The following RBFOX1 variants were observed in gnomAD, a reference collection of about 807,000 sequenced individuals.
RBFOX1 encodes RNA binding fox-1 homolog 1, also known as RNA binding protein fox-1 homolog 1.
Under a neutral mutation model 57.7 loss-of-function variants are expected in RBFOX1, and 8 were observed. That is an observed-to-expected ratio of 0.14 (90% confidence interval 0.08 to 0.25). The LOEUF is 0.25. Among genes scored for constraint, RBFOX1 ranks in the 10% least tolerant of loss-of-function variants. The pLI is 1.00. For synonymous variants in RBFOX1, 326 were observed against 222.4 expected (o/e 1.47, Z -4.15); for missense variants, 611 against 548.5 (o/e 1.11, Z -1.14).
At chr16:5,664,410 C>T (rs370653579) in intron 3 of RBFOX1, among the ~76,000 whole-genome samples, 5 of 152,102 alleles carry the variant, frequency 3.3e-5, no homozygotes, top group Non-Finnish European at 5.9e-5. Flanking sequence ...TAGCTGGGCA[C>T]GGTGGTGTGT....
chr16:7,025,647 G>T lies in RBFOX1; in HGVS notation c.-15-26410G>T, dbSNP rs919979572. On this transcript the variant is annotated intron_variant, in intron 3 of 15. Transcript: ENST00000550418. ...TGTCCTGGGGGGGTTTTGGATAGAGGGGGGCACCTCTTCATCAGGGGTGCT... is the reference window on the plus strand; with the variant it reads ...TGTCCTGGGGGGGTTTTGGATAGAGTGGGGCACCTCTTCATCAGGGGTGCT... Among the ~76,000 whole-genome samples the T allele has an allele frequency of 2.8e-4, 42 of 152,186 alleles. 1 individual carries two copies. The highest frequency in any genetic ancestry group is 1.0e-3 in the African/African-American group (42 of 41,546).
intron 1 of RBFOX1, among the ~76,000 whole-genome samples, chr16:5,287,703 G>C (rs1206357827): frequency 2.0e-5 from 3 of 152,186 alleles, no homozygotes; most frequent in Admixed American, 2.0e-4. Flanking sequence ...CTCTCATGGT[G>C]ATAGCAGGAG....
At chr16:5,307,609 G>A (rs1037835774) in intron 1 of RBFOX1, among the ~76,000 whole-genome samples, 3 of 152,218 alleles carry the variant, frequency 2.0e-5, no homozygotes, top group Admixed American at 6.5e-5. Context: ...CACACACACC[G>A]GGAATTGTGC....
chr16:6,299,210 C>A (rs1189159190), intron 1 of RBFOX1, among the ~76,000 whole-genome samples: 1 of 152,194 alleles, frequency 6.6e-6, no homozygotes, highest in African/African-American at 2.4e-5. Context: ...GGGGCCTTAG[C>A]CCCACAAACT....
chr16:6,223,785 G>A (rs558174841), intron 1 of RBFOX1, among the ~76,000 whole-genome samples: 1 of 152,334 alleles, frequency 6.6e-6, no homozygotes, highest in East Asian at 1.9e-4. Context: ...CCATGTCTAT[G>A]TCTTGAATGG....
At chr16:5,784,697 C>G (rs1021474238) in intron 3 of RBFOX1, among the ~76,000 whole-genome samples, 1 of 152,114 alleles carries the variant, frequency 6.6e-6, no homozygotes, top group Admixed American at 6.6e-5. Flanking sequence ...GTCAGTAAGG[C>G]CTTTCAGGGG....
intron 4 of RBFOX1, among the ~76,000 whole-genome samples, chr16:7,086,600 T>C (rs1478710): frequency 0.59 from 89,112 of 151,958 alleles, 29,428 homozygotes; most frequent in East Asian, 0.9. Context: ...TTTCAGGAAA[T>C]CTTAGCTGTG....
At position 6,097,706 on chromosome 16, in the gene RBFOX1, C is replaced by T. The variant is rs537448042; in HGVS notation, c.-127+77714C>T. On this transcript the variant is annotated intron_variant, in intron 1 of 15. Coordinates refer to ENST00000550418, the MANE Select transcript of RBFOX1 (RefSeq NM_018723.4). The surrounding 1 kb of genome is among the most constrained non-coding windows in gnomAD (Gnocchi z 5.0). ...CCCTAGGGCTTGTGAATCTGGAGCC[C>T]ATAGACTCAACTCCTGTGCTATACT... 2.0e-5 allele frequency among the ~76,000 whole-genome samples: 3 copies of T among 151,858 alleles called. No individual in the cohort carries two copies. The highest frequency in any genetic ancestry group is 4.4e-5 in the Non-Finnish European group (3 of 67,986).
At chr16:6,229,901 T>C (rs1329486189) in intron 1 of RBFOX1, among the ~76,000 whole-genome samples, 1 of 152,116 alleles carries the variant, frequency 6.6e-6, no homozygotes, top group Admixed American at 6.6e-5. Context: ...CTTAGAATAT[T>C]ATTTGTCCTC....
chr16:7,162,567 T>TCA (rs1305459545), intron 4 of RBFOX1, among the ~76,000 whole-genome samples: 3 of 107,812 alleles, frequency 2.8e-5, no homozygotes, highest in African/African-American at 9.8e-5. Context: ...CTGTCTCTAC[T>TCA]AAAAAAAAAA....
chr16:7,071,881 C>A (rs1334700760), intron 4 of RBFOX1, among the ~76,000 whole-genome samples: 1 of 152,104 alleles, frequency 6.6e-6, no homozygotes, highest in Non-Finnish European at 1.5e-5. Context: ...GCTCCTAATT[C>A]AGTTGTTGAG....
intron 14 of RBFOX1, among the ~76,000 whole-genome samples, chr16:7,704,444 G>C (rs954291609): frequency 1.3e-5 from 2 of 152,174 alleles, no homozygotes; most frequent in Non-Finnish European, 2.9e-5. Flanking sequence ...GAAGCATCCT[G>C]AATGTGTCTG....
intron 14 of RBFOX1, among the ~76,000 whole-genome samples, chr16:7,690,570 A>C (rs916495644): frequency 6.6e-6 from 1 of 152,144 alleles, no homozygotes. Context: ...AGAAAGCAGC[A>C]CACTAGGGTT....
intron 2 of RBFOX1, among the ~76,000 whole-genome samples, chr16:6,419,165 T>C (rs923985511): frequency 1.3e-5 from 2 of 152,250 alleles, no homozygotes; most frequent in Non-Finnish European, 2.9e-5. Flanking sequence ...TTTTATAAAA[T>C]GTGACACACA....
intron 4 of RBFOX1, among the ~76,000 whole-genome samples, chr16:7,233,695 A>G (rs1019865972): frequency 1.3e-5 from 2 of 152,222 alleles, no homozygotes; most frequent in African/African-American, 2.4e-5. Flanking sequence ...TGGGGGCCCC[A>G]TGAACTTCCA....
chr16:5,625,097 T>C (rs2048310039), intron 3 of RBFOX1, among the ~76,000 whole-genome samples: 1 of 152,162 alleles, frequency 6.6e-6, no homozygotes, highest in African/African-American at 2.4e-5. Context: ...TGCAATGAAA[T>C]GGACCCAGCG....
chr16:7,075,815 C>T (rs1015610614), intron 4 of RBFOX1, among the ~76,000 whole-genome samples: 5 of 152,080 alleles, frequency 3.3e-5, no homozygotes, highest in African/African-American at 9.7e-5. Context: ...CTCCTGACCT[C>T]GTGATCTGCC....
At chr16:6,471,042 T>C (rs2095162813) in intron 2 of RBFOX1, among the ~76,000 whole-genome samples, 1 of 152,198 alleles carries the variant, frequency 6.6e-6, no homozygotes, top group Non-Finnish European at 1.5e-5. Context: ...TTCCATTTTC[T>C]TATAGAGGAA....
upstream of RBFOX1, among the ~76,000 whole-genome samples, chr16:6,014,250 C>G (rs2094979998): frequency 6.6e-6 from 1 of 151,774 alleles, no homozygotes; most frequent in Non-Finnish European, 1.5e-5. Flanking sequence ...ATCATCATGA[C>G]CATTGCTTAA....
Sources: allele counts gnomAD v4.1 joint callset (sites outside exome capture counted in the v4.1 genomes callset), GRCh38; gene constraint gnomAD v4.1.1; non-coding constraint Gnocchi (gnomAD v3.1); transcripts MANE v1.5; gene names NCBI Gene and HGNC (gene_info 2026-07-23, HGNC 2026-07-21).